The following HIVEP1 variants were observed in gnomAD, a reference collection of about 807,000 sequenced individuals.
HIVEP1 encodes zinc finger protein 40.
HIVEP1 carries 36 observed loss-of-function variants against 180.0 expected under a neutral mutation model. That is an observed-to-expected ratio of 0.20 (90% confidence interval 0.15 to 0.26). The LOEUF (loss-of-function observed/expected upper bound fraction) is 0.26. Among genes scored for constraint, HIVEP1 ranks in the 10% least tolerant of loss-of-function variants. The pLI is 1.00. For synonymous variants in HIVEP1, 1,239 were observed against 1,239.0 expected (o/e 1.00, Z 0.00); for missense variants, 3,143 against 3,268.7 (o/e 0.96, Z 0.94).
chr6:12,052,126 T>C (rs933701860), intron 2 of HIVEP1, among the ~76,000 whole-genome samples: 16 of 152,232 alleles, frequency 1.1e-4, no homozygotes, highest in Non-Finnish European at 2.1e-4. Flanking sequence ...CTTCCATTTG[T>C]ACATGGCTTT....
Position 12,104,658 on chromosome 6 carries a change from C to T in HIVEP1, c.95-15232C>T, listed in dbSNP as rs182221856. ...TATTCTTCAGCCTGGTCTTGAACTT[C>T]TGGCCTCAAGCAATCTTCCTGCCTC... On this transcript the variant is annotated intron_variant, in intron 3 of 8. Transcript: ENST00000379388. Among the ~76,000 whole-genome samples the T allele has an allele frequency of 6.6e-4, 100 of 152,174 alleles. 1 individual carries two copies. The East Asian group carries it at 0.017, about 26-fold the overall frequency.
At chr6:12,197,078 A>T in the HIVEP1 span, among the ~76,000 whole-genome samples, 1 of 152,192 alleles carries the variant, frequency 6.6e-6, no homozygotes, top group African/African-American at 2.4e-5. Flanking sequence ...ATGCTGTGAG[A>T]CCTCAAAGAA....
At chr6:12,158,854 G>A (rs1426492702) in intron 7 of HIVEP1, among the ~76,000 whole-genome samples, 1 of 152,166 alleles carries the variant, frequency 6.6e-6, no homozygotes, top group Non-Finnish European at 1.5e-5. Flanking sequence ...ATGGATCCAG[G>A]TGTAGTTCCT....
intron 2 of HIVEP1, among the ~76,000 whole-genome samples, chr6:12,027,392 C>T (rs1768655066): frequency 6.6e-6 from 1 of 152,182 alleles, no homozygotes; most frequent in South Asian, 2.1e-4. Flanking sequence ...AAGGGAAAGC[C>T]TTAGAGGTCA....
the HIVEP1 span, among the ~76,000 whole-genome samples, chr6:12,210,330 C>T: frequency 1.1e-4 from 16 of 152,178 alleles, no homozygotes; most frequent in African/African-American, 3.6e-4. Context: ...TCACCATAGC[C>T]TTCAAGATAA....
intron 2 of HIVEP1, among the ~76,000 whole-genome samples, chr6:12,021,431 G>A (rs1174046708): frequency 6.6e-6 from 1 of 152,124 alleles, no homozygotes; most frequent in Admixed American, 6.5e-5. Flanking sequence ...AGATGTCTCT[G>A]CTAAAGATTT....
In HIVEP1 at chr6:12,130,921, A is replaced by G; in HGVS notation, c.6364A>G (p.Asn2122Asp). Residue 2122 changes from asparagine to aspartate, a missense_variant, in exon 6 of 9, where the codon AAC becomes GAC. By Grantham distance (23) the Asn-to-Asp change is conservative. Coordinates refer to ENST00000379388, the MANE Select transcript of HIVEP1 (RefSeq NM_002114.4). ...DVRPYHCTYC[N>D]FSFKTKGNLT... ...CCGCCCCTACCACTGCACTTACTGT[A>G]ACTTCTCCTTTAAGACTAAAGGTAT... is the stretch of plus-strand genomic sequence containing the variant. 12 of 1,609,886 alleles carry G rather than the reference A, an allele frequency of 7.5e-6. No homozygotes were observed. The highest frequency in any genetic ancestry group is 1.0e-5 in the Non-Finnish European group (12 of 1,177,158).
chr6:12,156,697 A>G (rs770273525), intron 7 of HIVEP1, among the ~76,000 whole-genome samples: 19 of 152,134 alleles, frequency 1.2e-4, no homozygotes, highest in Non-Finnish European at 2.5e-4. Context: ...TTCTGTTTTC[A>G]TGTAAAAACA....
chr6:12,121,835 A>G lies in HIVEP1; in HGVS notation c.2040A>G (p.Glu680=), dbSNP rs1757698482. 1 of 1,614,174 alleles carries G rather than the reference A, an allele frequency of 6.2e-7. No individual in the cohort carries two copies. Among genetic ancestry groups the G allele is most frequent in the Non-Finnish European group, 8.5e-7 (1 of 1,180,032 alleles). The change falls in exon 4 of 9, where the codon GAA becomes GAG. Residue 680 remains glutamate, a synonymous_variant. Coordinates refer to ENST00000379388, the MANE Select transcript of HIVEP1 (RefSeq NM_002114.4). The surrounding 1 kb of genome is among the most constrained non-coding windows in gnomAD (Gnocchi z 5.3). ...ATTCTGGTTACTTTTCACGTTCTGA[A>G]AGTGCCGATCAAACAGTGAGTCCAC... ...STDSGYFSRS[E]SADQTVSPPT...
chr6:12,157,142 T>G (rs1296249591), intron 7 of HIVEP1, among the ~76,000 whole-genome samples: 1 of 152,188 alleles, frequency 6.6e-6, no homozygotes, highest in African/African-American at 2.4e-5. Context: ...GTATTTTAGT[T>G]ATTGATTTAT....
chr6:12,082,074 CTT>C (rs149567189), intron 2 of HIVEP1, among the ~76,000 whole-genome samples: 26 of 151,942 alleles, frequency 1.7e-4, no homozygotes, highest in Non-Finnish European at 5.9e-5. Flanking sequence ...TTTTTTACCT[CTT>C]TTTTTTGTGT....
intron 7 of HIVEP1, among the ~76,000 whole-genome samples, chr6:12,147,218 C>A (rs1247970878): frequency 1.3e-5 from 2 of 152,148 alleles, no homozygotes; most frequent in African/African-American, 4.8e-5. Context: ...AAACTCTATT[C>A]ACTGGGCTTG....
chr6:12,068,491 A>G (rs1337037920), intron 2 of HIVEP1, among the ~76,000 whole-genome samples: 1 of 152,242 alleles, frequency 6.6e-6, no homozygotes, highest in Non-Finnish European at 1.5e-5. Context: ...ATTGTCAGTT[A>G]GATGATGTTA....
At chr6:12,149,948 A>G (rs969826057) in intron 7 of HIVEP1, among the ~76,000 whole-genome samples, 1 of 152,202 alleles carries the variant, frequency 6.6e-6, no homozygotes. Context: ...AGCAGATGGA[A>G]TTCATGTTCT....
chr6:12,125,703 G>C lies in HIVEP1; in HGVS notation c.5908G>C (p.Val1970Leu). Residue 1970 changes from valine (V) to leucine (L), a missense_variant, in exon 4 of 9, where the codon GTA becomes CTA. Coordinates refer to ENST00000379388, the MANE Select transcript of HIVEP1 (RefSeq NM_002114.4). ...AACTTCAGCCTATACTGATTGGACA[G>C]TAAGCGCCAGTAATCCAAATCCACT... ...QKTSAYTDWT[V>L]SASNPNPLGL... 6.2e-7 allele frequency: 1 copy of C among 1,614,186 alleles called. No individual in the cohort carries two copies. The highest frequency in any genetic ancestry group is 8.5e-7 in the Non-Finnish European group (1 of 1,180,026).
intron 3 of HIVEP1, among the ~76,000 whole-genome samples, chr6:12,115,227 T>A (rs913931953): frequency 2.6e-5 from 4 of 152,190 alleles, no homozygotes; most frequent in African/African-American, 9.7e-5. Context: ...TATTTCAAAC[T>A]CGTTGGTGCT....
intron 3 of HIVEP1, among the ~76,000 whole-genome samples, chr6:12,115,228 C>G (rs1426606516): frequency 6.6e-6 from 1 of 152,022 alleles, no homozygotes; most frequent in Non-Finnish European, 1.5e-5. Context: ...ATTTCAAACT[C>G]GTTGGTGCTC....
At chr6:12,026,822 T>C (rs1288062330) in intron 2 of HIVEP1, among the ~76,000 whole-genome samples, 1 of 152,232 alleles carries the variant, frequency 6.6e-6, no homozygotes, top group East Asian at 1.9e-4. Context: ...ATCATGTGTA[T>C]GAATAAACCA....
chr6:12,012,113 C>G (rs1449966945), upstream of HIVEP1: 2 of 147,132 alleles, frequency 1.4e-5, no homozygotes, highest in African/African-American at 4.9e-5. Context: ...TCTGTCCGCC[C>G]GCCCCGCCGC....
Sources: gnomAD v4.1 joint callset for allele counts (sites outside exome capture counted in the v4.1 genomes callset) on GRCh38, gnomAD v4.1.1 for gene constraint, Gnocchi (gnomAD v3.1) non-coding constraint, MANE v1.5 for transcripts, NCBI Gene and HGNC (gene_info 2026-07-23, HGNC 2026-07-21) for gene names.